Variants in DLG2 observed in about 807,000 individuals in gnomAD.
The protein encoded by DLG2 is disks large homolog 2.
A neutral mutation model predicts 132.5 loss-of-function variants in DLG2; 45 were observed. The observed-to-expected ratio is 0.34, with a 90% CI of 0.27 to 0.44. DLG2 has a LOEUF of 0.44. DLG2 is among the 20% of genes least tolerant of loss of function. The pLI is 1.00. For missense variants in DLG2, 1,045 were observed against 1,196.9 expected, an observed-to-expected ratio of 0.87 and a Z score of 1.87; for synonymous variants, 424 against 419.6, an observed-to-expected ratio of 1.01 and a Z score of -0.13.
chr11:84,719,546 G>T (rs1253511575), intron 6 of DLG2, among the ~76,000 whole-genome samples: 1 of 152,146 alleles, frequency 6.6e-6, no homozygotes, highest in Non-Finnish European at 1.5e-5. Context: ...CTTTTTCAAG[G>T]AGTGCGTCGT....
chr11:85,272,099 T>A (rs534392418), intron 4 of DLG2, among the ~76,000 whole-genome samples: 83 of 152,212 alleles, frequency 5.5e-4, no homozygotes, highest in African/African-American at 1.7e-3. Context: ...TGGTGAGAGG[T>A]AATTGAATCA....
chr11:84,749,030 T>C (rs1465788715), intron 6 of DLG2, among the ~76,000 whole-genome samples: 1 of 152,084 alleles, frequency 6.6e-6, no homozygotes, highest in African/African-American at 2.4e-5. Flanking sequence ...AATAAATAAA[T>C]AACTAAACAA....
intron 21 of DLG2, among the ~76,000 whole-genome samples, chr11:83,503,928 G>A (rs1416846775): frequency 6.6e-6 from 1 of 152,014 alleles, no homozygotes; most frequent in Non-Finnish European, 1.5e-5. Context: ...ACAATAATAA[G>A]GTCATAATTA....
At position 84,885,690 on chromosome 11, in the gene DLG2, G is replaced by T. The variant is rs547836878; in HGVS notation, c.357+225971C>A. ...TCATAGGATAAATGTGTGTAGCACA[G>T]TACCTGGTGCATAGTAGGTATTCAT... is the stretch of plus-strand genomic sequence containing the variant. On this transcript the variant is annotated intron_variant, in intron 6 of 27. Transcript: ENST00000376104. Among the ~76,000 whole-genome samples the T allele has an allele frequency of 2.6e-4, 39 of 152,212 alleles. No individual in the cohort carries two copies. In the East Asian group the frequency reaches 6.4e-3, roughly 25 times the overall value.
intron 17 of DLG2, among the ~76,000 whole-genome samples, chr11:83,794,437 GTTTTTTTTTTTT>G (rs200672667): frequency 3.9e-5 from 5 of 127,498 alleles, no homozygotes; most frequent in African/African-American, 1.1e-4. Flanking sequence ...TTTACTATTG[GTTTTTTTTTTTT>G]TTTTTTTTTT....
chr11:84,125,524 G>C (rs2094133305), intron 9 of DLG2, among the ~76,000 whole-genome samples: 1 of 152,064 alleles, frequency 6.6e-6, no homozygotes, highest in Non-Finnish European at 1.5e-5. Flanking sequence ...GGATCTTTAG[G>C]GTCAGCAAAT....
chr11:85,471,685 G>A (rs2092989252), intron 3 of DLG2, among the ~76,000 whole-genome samples: 1 of 152,112 alleles, frequency 6.6e-6, no homozygotes, highest in South Asian at 2.1e-4. Context: ...CCCAAAGGAA[G>A]GTTAAGAGAT....
intron 20 of DLG2, among the ~76,000 whole-genome samples, chr11:83,538,247 C>T (rs1316168922): frequency 6.6e-6 from 1 of 152,186 alleles, no homozygotes; most frequent in African/African-American, 2.4e-5. Context: ...AGGTACCCTA[C>T]TTCAGGTGCT....
At chr11:85,621,294 A>T (rs1052247602) in intron 2 of DLG2, among the ~76,000 whole-genome samples, 31 of 152,210 alleles carry the variant, frequency 2.0e-4, no homozygotes, top group Non-Finnish European at 4.1e-4. Flanking sequence ...GCTCCAATGA[A>T]CATATACAAG....
intron 19 of DLG2, among the ~76,000 whole-genome samples, chr11:83,602,402 A>C (rs902160657): frequency 3.3e-5 from 5 of 152,232 alleles, no homozygotes; most frequent in Non-Finnish European, 5.9e-5. Context: ...TAATATTGTG[A>C]AAATATGAAC....
intron 10 of DLG2, among the ~76,000 whole-genome samples, chr11:84,096,612 G>A (rs2097169089): frequency 6.6e-6 from 1 of 152,030 alleles, no homozygotes; most frequent in Non-Finnish European, 1.5e-5. Context: ...GAAAAATTAT[G>A]ATTATGGCCC....
intron 14 of DLG2, among the ~76,000 whole-genome samples, chr11:83,943,629 A>G (rs2083154851): frequency 6.6e-6 from 1 of 152,246 alleles, no homozygotes; most frequent in African/African-American, 2.4e-5. Flanking sequence ...TTCTACTTAA[A>G]GTTTAGTCTA....
chr11:84,889,420 T>C (rs1429385442), intron 6 of DLG2, among the ~76,000 whole-genome samples: 2 of 152,062 alleles, frequency 1.3e-5, no homozygotes, highest in Admixed American at 1.3e-4. Context: ...GATATGGGTG[T>C]TCCAAGATAG....
intron 7 of DLG2, among the ~76,000 whole-genome samples, chr11:84,453,423 G>A (rs2099056930): frequency 6.6e-6 from 1 of 151,536 alleles, no homozygotes; most frequent in South Asian, 2.1e-4. Flanking sequence ...GTTTAAGCTT[G>A]GTAGAAAAGG....
chr11:84,187,891 T>C (rs1367313739), intron 8 of DLG2, among the ~76,000 whole-genome samples: 3 of 152,108 alleles, frequency 2.0e-5, no homozygotes, highest in Admixed American at 2.0e-4. Flanking sequence ...GGAAATTACC[T>C]TGGCAACGTG....
intron 4 of DLG2, among the ~76,000 whole-genome samples, chr11:85,201,438 TC>T (rs1235668286): frequency 6.6e-6 from 1 of 151,812 alleles, no homozygotes; most frequent in African/African-American, 2.4e-5. Context: ...TGGCCAGCTT[TC>T]CCACACAGCC....
At chr11:84,260,450 A>G (rs74703492) in intron 7 of DLG2, among the ~76,000 whole-genome samples, 7,421 of 152,268 alleles carry the variant, frequency 0.049, 281 homozygotes, top group Non-Finnish European at 0.077. Flanking sequence ...CACTAAAACT[A>G]CATCTACAGA....
chr11:84,938,170 T>C (rs2048975211), intron 6 of DLG2, among the ~76,000 whole-genome samples: 1 of 152,176 alleles, frequency 6.6e-6, no homozygotes, highest in South Asian at 2.1e-4. Context: ...GAACCAAAGC[T>C]CATCTCACCC....
At chr11:84,741,056 CTTTTTTTTTTTT>C (rs1163275954) in intron 6 of DLG2, among the ~76,000 whole-genome samples, 32 of 79,332 alleles carry the variant, frequency 4.0e-4, no homozygotes, top group Middle Eastern at 0.017. Flanking sequence ...TGCCTATGCT[CTTTTTTTTTTTT>C]TTTTTTTTTT....
Sources: allele counts gnomAD v4.1 joint callset (sites outside exome capture counted in the v4.1 genomes callset), GRCh38; gene constraint gnomAD v4.1.1; transcripts MANE v1.5; gene names NCBI Gene and HGNC (gene_info 2026-07-23, HGNC 2026-07-21).